The following CACNA2D3 variants were observed in gnomAD, a reference collection of about 807,000 sequenced individuals.
The protein encoded by CACNA2D3 is calcium voltage-gated channel auxiliary subunit alpha2delta 3, also known as voltage-dependent calcium channel subunit alpha-2/delta-3.
A neutral mutation model predicts 160.6 loss-of-function variants in CACNA2D3; 60 were observed. That is an observed-to-expected ratio of 0.37 (90% CI 0.30 to 0.46). CACNA2D3 has a LOEUF of 0.46. Among genes scored for constraint, CACNA2D3 ranks in the 20% least tolerant of loss-of-function variants. The pLI is 1.00. For missense variants in CACNA2D3, 1,205 were observed against 1,365.0 expected (o/e 0.88, Z 1.85); for synonymous variants, 558 against 492.9 (o/e 1.13, Z -1.75).
At chr3:54,172,038 C>G (rs1444100570) in intron 2 of CACNA2D3, among the ~76,000 whole-genome samples, 1 of 152,236 alleles carries the variant, frequency 6.6e-6, no homozygotes, top group Non-Finnish European at 1.5e-5. Context: ...CACGGATGGC[C>G]TGACCATGGA....
chr3:55,014,083 C>G (rs1046389813), intron 34 of CACNA2D3, among the ~76,000 whole-genome samples: 2 of 152,156 alleles, frequency 1.3e-5, no homozygotes, highest in Admixed American at 6.5e-5. Flanking sequence ...TGACCTTGGG[C>G]ACGTGTCTTC....
chr3:54,692,308 C>G (rs1700586188), intron 11 of CACNA2D3, among the ~76,000 whole-genome samples: 1 of 152,180 alleles, frequency 6.6e-6, no homozygotes, highest in Non-Finnish European at 1.5e-5. Context: ...ATCCATCAGA[C>G]TTGTTTTTCT....
At chr3:54,996,174 T>C (rs1559458505) in intron 31 of CACNA2D3, among the ~76,000 whole-genome samples, 1 of 152,228 alleles carries the variant, frequency 6.6e-6, no homozygotes. Context: ...TGCTATGAAA[T>C]ATGGACCTGG....
intron 11 of CACNA2D3, among the ~76,000 whole-genome samples, chr3:54,727,457 CAT>C (rs1302369495): frequency 1.3e-5 from 2 of 152,170 alleles, no homozygotes; most frequent in African/African-American, 2.4e-5. Context: ...CACATGCACA[CAT>C]ATGTTTATTG....
At chr3:55,042,333 G>A (rs973062520) in intron 35 of CACNA2D3, among the ~76,000 whole-genome samples, 1 of 151,958 alleles carries the variant, frequency 6.6e-6, no homozygotes, top group African/African-American at 2.4e-5. Context: ...CTGTTATTAT[G>A]TGCTTACACA....
intron 11 of CACNA2D3, among the ~76,000 whole-genome samples, chr3:54,688,805 A>G (rs1487397488): frequency 6.6e-6 from 1 of 151,628 alleles, no homozygotes; most frequent in Non-Finnish European, 1.5e-5. Flanking sequence ...GTTCAAGACC[A>G]GCCTGAGCAA....
intron 6 of CACNA2D3, among the ~76,000 whole-genome samples, chr3:54,569,383 A>C (rs1253170480): frequency 1.3e-5 from 2 of 152,242 alleles, no homozygotes; most frequent in African/African-American, 4.8e-5. Flanking sequence ...CCTCCTGTAG[A>C]CATTACATCA....
At chr3:54,505,276 AC>A (rs2106949080) in intron 5 of CACNA2D3, among the ~76,000 whole-genome samples, 1 of 152,268 alleles carries the variant, frequency 6.6e-6, no homozygotes, top group Admixed American at 6.5e-5. Context: ...GATAATTAGA[AC>A]ACCATGTATC....
chr3:54,461,286 C>T (rs1275173301), intron 4 of CACNA2D3, among the ~76,000 whole-genome samples: 3 of 151,202 alleles, frequency 2.0e-5, no homozygotes, highest in East Asian at 3.9e-4. Context: ...TGATGCTGGC[C>T]TCATAAAATG....
intron 27 of CACNA2D3, among the ~76,000 whole-genome samples, chr3:54,961,243 A>G (rs963897391): frequency 2.0e-5 from 3 of 152,200 alleles, no homozygotes; most frequent in Admixed American, 6.5e-5. Flanking sequence ...TGGAGGTGAG[A>G]CTGGATAAGA....
chr3:54,918,325 T>TTTTTTTTC, intron 27 of CACNA2D3: 1 of 409,390 alleles, frequency 2.4e-6, no homozygotes, highest in African/African-American at 2.8e-5. Flanking sequence ...ACACATCTTT[T>TTTTTTTTC]TTTTTTCTTT....
intron 11 of CACNA2D3, among the ~76,000 whole-genome samples, chr3:54,714,986 G>A (rs555427157): frequency 5.0e-4 from 76 of 152,168 alleles, no homozygotes; most frequent in Non-Finnish European, 8.7e-4. Context: ...CAACTGTCCA[G>A]CAGATTCTCC....
intron 31 of CACNA2D3, among the ~76,000 whole-genome samples, chr3:55,001,042 T>C (rs1702970731): frequency 6.6e-6 from 1 of 152,146 alleles, no homozygotes; most frequent in Non-Finnish European, 1.5e-5. Context: ...CTCTGTAAAA[T>C]GGAGATGATT....
chr3:54,673,288 T>G (rs939846440), intron 11 of CACNA2D3, among the ~76,000 whole-genome samples: 4 of 152,216 alleles, frequency 2.6e-5, no homozygotes, highest in African/African-American at 9.6e-5. Flanking sequence ...GAAAAGATTA[T>G]TTGAGTAGGT....
intron 2 of CACNA2D3, among the ~76,000 whole-genome samples, chr3:54,217,321 T>TC (rs1175505901): frequency 3.3e-5 from 5 of 152,110 alleles, no homozygotes. Context: ...CAGTGTCCCT[T>TC]CCCCTGGGTT....
At chr3:54,570,434 A>C (rs1166011723) in intron 8 of CACNA2D3, among the ~76,000 whole-genome samples, 1 of 152,066 alleles carries the variant, frequency 6.6e-6, no homozygotes, top group Non-Finnish European at 1.5e-5. Flanking sequence ...TTTTCACCAA[A>C]CCACTAGAAT....
intron 35 of CACNA2D3, among the ~76,000 whole-genome samples, chr3:55,066,594 G>T (rs746338788): frequency 6.6e-6 from 1 of 152,042 alleles, no homozygotes. Flanking sequence ...GATAGTGTGC[G>T]GCAAATACTC....
At chr3:54,800,028 G>T (rs945813125) in intron 13 of CACNA2D3, among the ~76,000 whole-genome samples, 1 of 151,974 alleles carries the variant, frequency 6.6e-6, no homozygotes, top group South Asian at 2.1e-4. Flanking sequence ...ACATTTTTTT[G>T]CAAATTAAGT....
At chr3:54,572,981 A>G (rs1409251090) in intron 8 of CACNA2D3, among the ~76,000 whole-genome samples, 9 of 152,202 alleles carry the variant, frequency 5.9e-5, no homozygotes, top group Admixed American at 5.2e-4. Context: ...TGTCAACTCA[A>G]TAAAGAAGAG....
Sources: gnomAD v4.1 joint callset for allele counts (sites outside exome capture counted in the v4.1 genomes callset) on GRCh38, gnomAD v4.1.1 for gene constraint, MANE v1.5 for transcripts, NCBI Gene and HGNC (gene_info 2026-07-23, HGNC 2026-07-21) for gene names.